RAB3B: variants seen among roughly 807,000 people sequenced by gnomAD.
The protein encoded by RAB3B is RAB3B, member RAS oncogene family.
RAB3B carries 11 observed loss-of-function variants against 20.5 expected under a neutral mutation model. The ratio of observed to expected loss-of-function variants is 0.54; its 90% CI spans 0.34 to 0.89. RAB3B has a LOEUF of 0.89. Ranked by LOEUF, RAB3B falls within the 40% of genes least tolerant of loss-of-function variation. The pLI, the probability that RAB3B is intolerant of heterozygous loss-of-function variation, is 0.02. For missense variants in RAB3B, 225 were observed against 280.9 expected (o/e 0.80, Z 1.42); for synonymous variants, 99 against 106.3 (o/e 0.93, Z 0.42).
chr1:51,965,476 G>A (rs1256074253), intron 2 of RAB3B, among the ~76,000 whole-genome samples: 12 of 151,918 alleles, frequency 7.9e-5, no homozygotes, highest in Non-Finnish European at 1.3e-4. Flanking sequence ...GCAAAACCCC[G>A]TCTCTACTAA....
chr1:51,920,043 C>T lies in RAB3B; in HGVS notation c.544G>A (p.Ala182Thr), dbSNP rs761379983. Residue 182 changes from alanine to threonine, a missense_variant, in exon 5 of 5, where the codon GCC becomes ACC. Coordinates refer to ENST00000371655, the MANE Select transcript of RAB3B (RefSeq NM_002867.4). ...GAATCAGACATCTTGTCACAAATGGCATCCACCAGGCGCTCAAAGGCCTGC... is the reference window on the plus strand; with the variant it reads ...GAATCAGACATCTTGTCACAAATGGTATCCACCAGGCGCTCAAAGGCCTGC... The part of the protein sequence containing the change: ...VRQAFERLVD[A>T]ICDKMSDSLD... The T allele has an allele frequency of 3.0e-5, 48 of 1,614,064 alleles. No homozygotes were observed. In the Middle Eastern group the frequency reaches 1.3e-3, roughly 44 times the overall value.
At chr1:51,971,059 T>C (rs1684926198) in intron 2 of RAB3B, among the ~76,000 whole-genome samples, 2 of 150,484 alleles carry the variant, frequency 1.3e-5, no homozygotes, top group African/African-American at 4.9e-5. Context: ...AGTGACCCCT[T>C]CCATGTGGAC....
intron 1 of RAB3B, chr1:51,980,856 T>C (rs2124316673): frequency 1.5e-6 from 1 of 674,968 alleles, no homozygotes; most frequent in East Asian, 2.6e-5. Flanking sequence ...ATGGACTATT[T>C]CCTGGAGAAA....
At chr1:51,943,426 C>CAACAA (rs1684522448) in intron 2 of RAB3B, among the ~76,000 whole-genome samples, 4 of 75,040 alleles carry the variant, frequency 5.3e-5, no homozygotes, top group Admixed American at 3.4e-4. Context: ...AACAACAACA[C>CAACAA]CACAATGGCC....
At chr1:51,961,635 C>T (rs371072970) in intron 2 of RAB3B, among the ~76,000 whole-genome samples, 84 of 152,226 alleles carry the variant, frequency 5.5e-4, no homozygotes, top group African/African-American at 2.0e-3. Flanking sequence ...AGTAAAGCAC[C>T]TGTAAAGTAT....
intron 3 of RAB3B, among the ~76,000 whole-genome samples, chr1:51,934,951 C>A (rs1302710858): frequency 6.6e-6 from 1 of 151,894 alleles, no homozygotes; most frequent in African/African-American, 2.4e-5. Context: ...CCCCAAAGAC[C>A]CCATCAGGTA....
At chr1:51,988,382 T>C (rs1187706000) in intron 1 of RAB3B, among the ~76,000 whole-genome samples, 2 of 152,202 alleles carry the variant, frequency 1.3e-5, no homozygotes, top group Non-Finnish European at 2.9e-5. Flanking sequence ...TACCATTTAT[T>C]GAGCACCTAC....
chr1:51,988,264 C>T (rs1318154694), intron 1 of RAB3B, among the ~76,000 whole-genome samples: 2 of 152,186 alleles, frequency 1.3e-5, no homozygotes, highest in East Asian at 3.8e-4. Flanking sequence ...CCATACTCTA[C>T]TTTTCTAATT....
chr1:51,934,495 G>C (rs1226969070), intron 3 of RAB3B, among the ~76,000 whole-genome samples: 1 of 152,086 alleles, frequency 6.6e-6, no homozygotes, highest in African/African-American at 2.4e-5. Flanking sequence ...TTTTTGGCCG[G>C]GTGCGCTGGC....
At chr1:51,987,195 G>C (rs1255940225) in intron 1 of RAB3B, among the ~76,000 whole-genome samples, 1 of 152,172 alleles carries the variant, frequency 6.6e-6, no homozygotes, top group African/African-American at 2.4e-5. Context: ...GGGAGGAGGA[G>C]GAGAGAGCCC....
At chr1:51,963,062 C>A (rs1353692916) in intron 2 of RAB3B, among the ~76,000 whole-genome samples, 1 of 152,212 alleles carries the variant, frequency 6.6e-6, no homozygotes, top group Non-Finnish European at 1.5e-5. Context: ...ATTTCAATAT[C>A]CACATAGATG....
intron 1 of RAB3B, among the ~76,000 whole-genome samples, chr1:51,984,550 C>T (rs189504126): frequency 1.3e-5 from 2 of 151,644 alleles, no homozygotes; most frequent in East Asian, 2.0e-4. Context: ...ACCATCACAC[C>T]GGCTAATTTT....
chr1:51,934,852 C>A (rs999317368), intron 3 of RAB3B, among the ~76,000 whole-genome samples: 2 of 147,626 alleles, frequency 1.4e-5, no homozygotes, highest in Admixed American at 1.4e-4. Context: ...TGTATTACTT[C>A]TTTAATTAAA....
intron 4 of RAB3B, among the ~76,000 whole-genome samples, chr1:51,929,168 A>G (rs1172937100): frequency 6.6e-6 from 1 of 152,114 alleles, no homozygotes. Flanking sequence ...TTTTTGCAGG[A>G]ATTGGGAAGC....
chr1:51,933,498 T>C lies in RAB3B; in HGVS notation c.348-56A>G, dbSNP rs111536148. On this transcript the variant is annotated intron_variant, in intron 3 of 4. Transcript: ENST00000371655. ...CATATTCCTATAGACTGAATGTCTG[T>C]GTCCCCACCTCCAAATTTACATGTT... 8.8e-4 allele frequency: 1,335 copies of C among 1,511,874 alleles called. 19 individuals are homozygous for C. In the African/African-American group the frequency reaches 0.016, roughly 18 times the overall value. 93.7% of individuals were successfully genotyped at this position (1,511,874 alleles called of 1,614,324 possible). A position where few individuals can be genotyped will look rare whatever the true frequency, so the allele number is the denominator to read the frequency against.
chr1:51,989,259 T>C (rs1297498794), intron 1 of RAB3B, among the ~76,000 whole-genome samples: 1 of 138,962 alleles, frequency 7.2e-6, no homozygotes, highest in Admixed American at 7.2e-5. Flanking sequence ...TGTGTGTGTT[T>C]TGAGGGCCCA....
chr1:51,944,922 A>G (rs1277500827), intron 2 of RAB3B, among the ~76,000 whole-genome samples: 1 of 152,246 alleles, frequency 6.6e-6, no homozygotes, highest in Non-Finnish European at 1.5e-5. Context: ...AAGAAGTTCT[A>G]CTATGGGTAA....
At chr1:51,925,504 C>A (rs78462931) in intron 4 of RAB3B, among the ~76,000 whole-genome samples, 139 of 152,318 alleles carry the variant, frequency 9.1e-4, no homozygotes, top group African/African-American at 3.1e-3. Flanking sequence ...GCTGAACACC[C>A]AAGACCTGGC....
At chr1:51,929,638 C>A (rs1008761122) in intron 4 of RAB3B, among the ~76,000 whole-genome samples, 1 of 152,102 alleles carries the variant, frequency 6.6e-6, no homozygotes, top group African/African-American at 2.4e-5. Flanking sequence ...TTTATTAAAG[C>A]TAGTTTGATT....
Sources: gnomAD v4.1 joint callset for allele counts (sites outside exome capture counted in the v4.1 genomes callset) on GRCh38, gnomAD v4.1.1 for gene constraint, MANE v1.5 for transcripts, NCBI Gene and HGNC (gene_info 2026-07-23, HGNC 2026-07-21) for gene names.